Variants in EPHA5 observed in about 807,000 individuals in gnomAD.
EPHA5 encodes the protein EPH receptor A5, also known as ephrin type-A receptor 5.
A neutral mutation model predicts 105.0 loss-of-function variants in EPHA5; 60 were observed. The ratio of observed to expected loss-of-function variants is 0.57; its 90% CI spans 0.46 to 0.71. The LOEUF is 0.71. Among genes scored for constraint, EPHA5 ranks in the 30% least tolerant of loss-of-function variants. EPHA5 has a pLI of 0.00. For synonymous variants in EPHA5, 513 were observed against 449.1 expected (o/e 1.14, Z -1.80); for missense variants, 1,218 against 1,274.7 (o/e 0.96, Z 0.68).
rs543851886 is a variant in EPHA5 at position 65,431,172 on chromosome 4, C to T, written c.1403-10607G>A. Among the ~76,000 whole-genome samples, 27 of 152,172 alleles carry T rather than the reference C, an allele frequency of 1.8e-4. No homozygotes were observed. In the South Asian group the frequency reaches 5.0e-3, roughly 28 times the overall value. On this transcript the variant is annotated intron_variant, in intron 5 of 16. Coordinates refer to ENST00000613740, the MANE Select transcript of EPHA5 (RefSeq NM_001281766.3). The stretch of plus-strand genomic sequence containing the variant: ...CGGTACACACAAAATGACTGCTCTC[C>T]GCATGCTGCACCATAGATAAGATGA...
chr4:65,502,200 G>C (rs1732560124), intron 3 of EPHA5, among the ~76,000 whole-genome samples: 1 of 151,140 alleles, frequency 6.6e-6, no homozygotes, highest in Non-Finnish European at 1.5e-5. Context: ...TTGAAAAAAA[G>C]AATGTATGAC....
At chr4:65,341,208 C>T (rs1455130487) in intron 14 of EPHA5, among the ~76,000 whole-genome samples, 1 of 152,068 alleles carries the variant, frequency 6.6e-6, no homozygotes, top group Non-Finnish European at 1.5e-5. Context: ...CTAAATTCAT[C>T]CATATTACAA....
chr4:65,508,661 A>G (rs1004494371), intron 3 of EPHA5, among the ~76,000 whole-genome samples: 6 of 152,154 alleles, frequency 3.9e-5, no homozygotes, highest in African/African-American at 1.4e-4. Context: ...AACAATTACA[A>G]CAAAAAGAAA....
At chr4:65,479,044 T>C (rs1730104021) in intron 5 of EPHA5, among the ~76,000 whole-genome samples, 1 of 152,156 alleles carries the variant, frequency 6.6e-6, no homozygotes, top group African/African-American at 2.4e-5. Flanking sequence ...CTATATAATA[T>C]TCATGAAGTC....
At chr4:65,477,144 G>A (rs989151887) in intron 5 of EPHA5, among the ~76,000 whole-genome samples, 1 of 152,092 alleles carries the variant, frequency 6.6e-6, no homozygotes, top group East Asian at 1.9e-4. Context: ...CCTGTGCTTC[G>A]AGTTACCTTA....
chr4:65,420,706 G>C, intron 5 of EPHA5, 141 bp from the exon 6 acceptor site: 2 of 662,170 alleles, frequency 3.0e-6, no homozygotes, highest in Non-Finnish European at 4.6e-6. Context: ...TTCTATATAA[G>C]GTTTAAAGAT....
intron 8 of EPHA5, among the ~76,000 whole-genome samples, chr4:65,396,904 T>C (rs1170925914): frequency 1.3e-5 from 2 of 151,928 alleles, no homozygotes; most frequent in African/African-American, 4.8e-5. Context: ...TCTTTTACAA[T>C]AGGAATCAGA....
chr4:65,654,470 G>A (rs1362545586), intron 1 of EPHA5, among the ~76,000 whole-genome samples: 2 of 151,202 alleles, frequency 1.3e-5, no homozygotes, highest in Non-Finnish European at 3.0e-5. Flanking sequence ...CTAAGCCTTG[G>A]GGATAGATAC....
intron 3 of EPHA5, among the ~76,000 whole-genome samples, chr4:65,559,021 A>G (rs567012732): frequency 3.9e-5 from 6 of 152,290 alleles, no homozygotes; most frequent in African/African-American, 1.4e-4. Flanking sequence ...TCCATGTAAC[A>G]AACCTGCATG....
chr4:65,547,502 T>C (rs1003251272), intron 3 of EPHA5, among the ~76,000 whole-genome samples: 4 of 151,962 alleles, frequency 2.6e-5, no homozygotes, highest in Non-Finnish European at 5.9e-5. Context: ...TTTTTTTTCC[T>C]GGTGTTATAT....
chr4:65,553,437 C>T (rs1003810068), intron 3 of EPHA5, among the ~76,000 whole-genome samples: 1 of 151,948 alleles, frequency 6.6e-6, no homozygotes, highest in Non-Finnish European at 1.5e-5. Flanking sequence ...ACTTCTGTTA[C>T]TCAATAATTG....
chr4:65,370,933 T>C (rs17086131), intron 8 of EPHA5, among the ~76,000 whole-genome samples: 14,513 of 152,110 alleles, frequency 0.095, 735 homozygotes, highest in Middle Eastern at 0.15. Flanking sequence ...TCAGGCAGCA[T>C]TCAGTCTCAC....
At chr4:65,494,459 C>G (rs973605504) in intron 4 of EPHA5, among the ~76,000 whole-genome samples, 1 of 152,158 alleles carries the variant, frequency 6.6e-6, no homozygotes, top group African/African-American at 2.4e-5. Flanking sequence ...GAGAGGGATT[C>G]ACTTCCCTTC....
intron 14 of EPHA5, among the ~76,000 whole-genome samples, chr4:65,340,503 C>A (rs555091869): frequency 6.6e-6 from 1 of 152,078 alleles, no homozygotes; most frequent in South Asian, 2.1e-4. Flanking sequence ...GTGTGAAACC[C>A]CAAGAATGAG....
In EPHA5 at chr4:65,472,463, A is replaced by G. The variant is rs138893487; in HGVS notation, c.1402+17914T>C. Among the ~76,000 whole-genome samples, 527 of 152,282 alleles carry G rather than the reference A, an allele frequency of 3.5e-3. 8 individuals are homozygous for G. The East Asian group carries it at 0.041, about 12-fold the overall frequency. ...CATTTCCCTTCTGAGGTTTTCCATGAGGGTTCTGCCCTTACAGCAGACTTC... is the reference window on the plus strand; with the variant it reads ...CATTTCCCTTCTGAGGTTTTCCATGGGGGTTCTGCCCTTACAGCAGACTTC... On this transcript the variant is annotated intron_variant, in intron 5 of 16. Transcript: ENST00000613740.
intron 5 of EPHA5, among the ~76,000 whole-genome samples, chr4:65,435,723 G>C (rs1480944552): frequency 6.6e-6 from 1 of 152,056 alleles, no homozygotes; most frequent in South Asian, 2.1e-4. Context: ...GTAAAGAGCT[G>C]AGCCTTTTTA....
chr4:65,587,901 T>G (rs1389811998), intron 3 of EPHA5, among the ~76,000 whole-genome samples: 3 of 152,268 alleles, frequency 2.0e-5, no homozygotes, highest in South Asian at 4.1e-4. Context: ...CTCCCTCTCA[T>G]GTGCACTTTA....
rs931734694 is a variant in EPHA5, at chr4:65,322,633, G to C, written c.*1481C>G. ...AAGTCTTCATCATGTGTGGTATATA[G>C]AGCATACATAGAAGATATGTTATAT... is the stretch of plus-strand genomic sequence containing the variant. On this transcript the variant is annotated 3_prime_UTR_variant, in exon 17 of 17. Coordinates refer to ENST00000613740, the MANE Select transcript of EPHA5 (RefSeq NM_001281766.3). 5 of 224,928 alleles carry C rather than the reference G, an allele frequency of 2.2e-5. No homozygotes were observed. The East Asian group carries it at 2.5e-4, about 11-fold the overall frequency. The allele number at this position is 224,928 out of a possible 1,614,324, so 13.9% of individuals were successfully genotyped here.
intron 1 of EPHA5, among the ~76,000 whole-genome samples, chr4:65,667,673 T>A (rs1260818557): frequency 6.6e-6 from 1 of 152,158 alleles, no homozygotes; most frequent in African/African-American, 2.4e-5. Context: ...TGCCTCTTCC[T>A]CCCTGCACAG....
Sources: allele counts gnomAD v4.1 joint callset (sites outside exome capture counted in the v4.1 genomes callset), GRCh38; gene constraint gnomAD v4.1.1; transcripts MANE v1.5; gene names NCBI Gene and HGNC (gene_info 2026-07-23, HGNC 2026-07-21).